The following SLX4 variants were observed in gnomAD, a reference collection of about 807,000 sequenced individuals.
SLX4 encodes the protein structure-specific endonuclease subunit SLX4.
In SLX4, 112 loss-of-function variants were observed where a neutral mutation model predicts 146.2. That is an observed-to-expected ratio of 0.77 (90% CI 0.66 to 0.90). The LOEUF is 0.90. Among genes scored for constraint, SLX4 ranks in the 40% least tolerant of loss-of-function variants. The probability of loss-of-function intolerance (pLI) is 0.00; values close to 1 mark genes in which losing one functional copy is unlikely to be tolerated. For synonymous variants in SLX4, 1,061 were observed against 997.7 expected (o/e 1.06, Z -1.20); for missense variants, 2,563 against 2,392.7 (o/e 1.07, Z -1.49).
intron 14 of SLX4, 24 bp from the exon 15 acceptor site, chr16:3,582,717 T>G: frequency 6.3e-7 from 1 of 1,593,472 alleles, no homozygotes; most frequent in Non-Finnish European, 8.6e-7. Context: ...GACCAGGACG[T>G]TGTGCAACCC....
At chr16:3,583,831 C>T (rs1276222174) in intron 13 of SLX4, among the ~76,000 whole-genome samples, 5 of 151,610 alleles carry the variant, frequency 3.3e-5, no homozygotes, top group African/African-American at 7.3e-5. Context: ...AGCAAGACCC[C>T]GCCTCTACAA....
In SLX4 at chr16:3,591,052, T is replaced by C. The variant is rs1364385062; in HGVS notation, c.2586A>G (p.Arg862=). 1 of 1,614,196 alleles carries C rather than the reference T, an allele frequency of 6.2e-7. No homozygotes were observed. The highest frequency in any genetic ancestry group is 1.7e-5 in the Admixed American group (1 of 60,030). ...CTGCCCTTTCTTCCTGGAGAAGCTT[T>C]CGCTGAGTAGCTGCAAATTCATAAA... ...EEIYEFAATQ[R]KLLQEERAAG... The change falls in exon 12 of 15, where the codon CGA becomes CGG. Residue 862 remains arginine (R), a synonymous_variant. Coordinates refer to ENST00000294008, the MANE Select transcript of SLX4 (RefSeq NM_032444.4).
chr16:3,590,711 T>G lies in SLX4; in HGVS notation c.2927A>C (p.His976Pro), dbSNP rs141294497. ...QAERKEGSLPHSDDAGDYEQL... is the reference protein window; with the variant it reads ...QAERKEGSLPPSDDAGDYEQL... ...TTCGTAATCCCCGGCATCATCTGAG[T>G]GCGGAAGAGAGCCTTCTTTTCTCTC... The change falls in exon 12 of 15, where the codon CAC (histidine) becomes CCC (proline). Residue 976 changes from histidine (H) to proline (P), a missense_variant. Physicochemically the swap from His to Pro is moderately conservative, Grantham distance 77. Transcript: ENST00000294008. This position sits in a 1 kb window ranked among gnomAD's most constrained non-coding sequence, Gnocchi z 4.8. The G allele has an allele frequency of 1.9e-6, 3 of 1,614,044 alleles. No homozygotes were observed. The highest frequency in any genetic ancestry group is 2.7e-5 in the African/African-American group (2 of 74,926).
chr16:3,583,066 G>A (rs2040459121), intron 14 of SLX4, 31 bp downstream of exon 14: 2 of 1,613,700 alleles, frequency 1.2e-6, no homozygotes, highest in Non-Finnish European at 1.7e-6. Context: ...GATACATGAG[G>A]CCACTGACCC....
rs200183071 is a variant in SLX4, at chr16:3,601,077, C to T, written c.1065G>A (p.Gln355=). The T allele has an allele frequency of 5.3e-5, 86 of 1,614,038 alleles. 1 individual carries two copies. In the Admixed American group the frequency reaches 8.0e-4, roughly 15 times the overall value. Residue 355 remains glutamine (Q), a synonymous_variant, in exon 5 of 15, where the codon CAG becomes CAA. Coordinates refer to ENST00000294008, the MANE Select transcript of SLX4 (RefSeq NM_032444.4). The part of the protein sequence containing the change: ...TLKSRTSHLK[Q]CAVKMEVGPQ... ...GGCCAACCTCCATCTTCACAGCACACTGCTTCAAGTGACTGGTTCTGCTCT... is the reference window on the plus strand; with the variant it reads ...GGCCAACCTCCATCTTCACAGCACATTGCTTCAAGTGACTGGTTCTGCTCT...
At chr16:3,611,409 TCGGGGCTG>T (rs1189290475) in intron 1 of SLX4, among the ~76,000 whole-genome samples, 143 bp downstream of exon 1, 3 of 152,124 alleles carry the variant, frequency 2.0e-5, no homozygotes, top group Non-Finnish European at 2.9e-5. Flanking sequence ...TGCCTCTCCG[TCGGGGCTG>T]CGGGCCTGCC....
At chr16:3,601,949 T>A in intron 4 of SLX4, 169 bp downstream of exon 4, 1 of 728,840 alleles carries the variant, frequency 1.4e-6, no homozygotes, top group South Asian at 1.7e-5. Flanking sequence ...GTGAACTATA[T>A]GTTCTGTGAA....
intron 10 of SLX4, among the ~76,000 whole-genome samples, chr16:3,593,198 A>G (rs1336731147): frequency 6.6e-6 from 1 of 152,006 alleles, no homozygotes; most frequent in Non-Finnish European, 1.5e-5. Context: ...CAGCCTCCCG[A>G]GTAGCTGGGA....
intron 12 of SLX4, among the ~76,000 whole-genome samples, chr16:3,588,725 AG>A (rs1567168600): frequency 6.6e-6 from 1 of 152,168 alleles, no homozygotes; most frequent in Non-Finnish European, 1.5e-5. Context: ...GTTCTGGAGA[AG>A]GGTCCACAGA....
intron 2 of SLX4, among the ~76,000 whole-genome samples, chr16:3,608,076 C>T (rs111461932): frequency 8.5e-5 from 13 of 152,280 alleles, no homozygotes; most frequent in African/African-American, 2.9e-4. Context: ...TCCCAGCACT[C>T]TGAGAGGCTG....
rs770943153 is a variant in SLX4 at position 3,583,529 on chromosome 16, G to A, written c.4740-19C>T. 1.9e-5 allele frequency: 31 copies of A among 1,613,544 alleles called. No individual in the cohort carries two copies. The South Asian group carries it at 3.4e-4, about 18-fold the overall frequency. On this transcript the variant is annotated intron_variant, in intron 13 of 14. Coordinates refer to ENST00000294008, the MANE Select transcript of SLX4 (RefSeq NM_032444.4). ...TCCAAACCTGACGGAGGAACAGGTG[G>A]ATCTCAGGACCCACCCACACAGCTG...
chr16:3,583,626 AAC>A lies in SLX4; in HGVS notation c.4740-118_4740-117del, dbSNP rs907251090. The stretch of plus-strand genomic sequence containing the variant: ...CATTCAGCGAATGGCTTGTGTGACA[AAC>A]CATAGATGCCTGACTTCTGTGAGCA... On this transcript the variant is annotated intron_variant, in intron 13 of 14. Coordinates refer to ENST00000294008, the MANE Select transcript of SLX4 (RefSeq NM_032444.4). 23 of 1,128,320 alleles carry A rather than the reference AAC, an allele frequency of 2.0e-5. No homozygotes were observed. In the Admixed American group the frequency reaches 3.9e-4, roughly 19 times the overall value. 69.9% of individuals were successfully genotyped at this position (1,128,320 alleles called of 1,614,324 possible). A position where few individuals can be genotyped will look rare whatever the true frequency, so the allele number is the denominator to read the frequency against.
chr16:3,596,330 TTCGC>T lies in SLX4; in HGVS notation c.1743_1746del (p.Arg582GlyfsTer41). ...GGGGTGCCGTGGAGAGCGGGTGACC[TTCGC>T]TCGCTCAGCTCTGAGTGCTCAGGTG... On this transcript the variant is annotated frameshift_variant, in exon 8 of 15. Transcript: ENST00000294008. LOFTEE classifies it high-confidence loss of function. 2 of 1,588,472 alleles carry T rather than the reference TTCGC, an allele frequency of 1.3e-6. No individual in the cohort carries two copies. Among genetic ancestry groups the T allele is most frequent in the Non-Finnish European group, 1.7e-6 (2 of 1,168,078 alleles).
chr16:3,592,680 G>A lies in SLX4; in HGVS notation c.2327+19C>T, dbSNP rs774344374. ...CAGTCCTCGTCAGTTAATTTCAAAA[G>A]CTGGGGAGCAATCCAGACCTGTGGG... On this transcript the variant is annotated intron_variant, in intron 11 of 14. Transcript: ENST00000294008. The A allele has an allele frequency of 6.2e-7, 1 of 1,610,630 alleles. No homozygotes were observed. Among genetic ancestry groups the A allele is most frequent in the Non-Finnish European group, 8.5e-7 (1 of 1,178,902 alleles).
intron 3 of SLX4, among the ~76,000 whole-genome samples, chr16:3,602,966 A>G (rs2040744008): frequency 6.6e-6 from 1 of 152,096 alleles, no homozygotes; most frequent in African/African-American, 2.4e-5. Flanking sequence ...CGCCTCATAA[A>G]TCCCCAAGTT....
Position 3,596,412 on chromosome 16 carries a change from G to C in SLX4, c.1684-19C>G, listed in dbSNP as rs766806413. The C allele has an allele frequency of 1.3e-6, 2 of 1,578,822 alleles. No homozygotes were observed. Among genetic ancestry groups the C allele is most frequent in the Non-Finnish European group, 1.7e-6 (2 of 1,159,046 alleles). On this transcript the variant is annotated intron_variant, in intron 7 of 14. Transcript: ENST00000294008. ...TAAGGCCCTGAAAGAAGCCAGTAAG[G>C]AGAGTGACCACGTGGTCACTGTCAT... is the stretch of plus-strand genomic sequence containing the variant.
rs572176431 is a variant in SLX4, at chr16:3,599,233, TCTCAGCCCCGAGCCAG to T, written c.1164-1250_1164-1235del. 2.0e-5 allele frequency among the ~76,000 whole-genome samples: 3 copies of T among 152,146 alleles called. No individual in the cohort carries two copies. The East Asian group carries it at 5.8e-4, about 29-fold the overall frequency. ...AGAGAATCCCCTCTGCCCTCTGCCA[TCTCAGCCCCGAGCCAG>T]CTCAGCTGCCCATGACCTGTGTGCA... is the stretch of plus-strand genomic sequence containing the variant. On this transcript the variant is annotated intron_variant, in intron 5 of 14. Coordinates refer to ENST00000294008, the MANE Select transcript of SLX4 (RefSeq NM_032444.4).
chr16:3,602,068 G>A lies in SLX4; in HGVS notation c.950+50C>T, dbSNP rs911618734. The A allele has an allele frequency of 6.8e-6, 11 of 1,612,228 alleles. No homozygotes were observed. The African/African-American group carries it at 1.1e-4, about 16-fold the overall frequency. ...CCGCACTCCAGCCCTGGGGTGCTTG[G>A]GGATTCTGGTCACATACACGGGAGA... On this transcript the variant is annotated intron_variant, in intron 4 of 14. Transcript: ENST00000294008.
At chr16:3,607,838 T>C (rs150877962) in intron 2 of SLX4, among the ~76,000 whole-genome samples, 2 of 152,368 alleles carry the variant, frequency 1.3e-5, no homozygotes, top group Non-Finnish European at 2.9e-5. Context: ...CCAAATTGGC[T>C]GGCCCAGTCC....
Sources: allele counts gnomAD v4.1 joint callset (sites outside exome capture counted in the v4.1 genomes callset), GRCh38; gene constraint gnomAD v4.1.1; non-coding constraint Gnocchi (gnomAD v3.1); transcripts MANE v1.5; gene names NCBI Gene and HGNC (gene_info 2026-07-23, HGNC 2026-07-21).